MYRIP: variants seen among roughly 807,000 people sequenced by gnomAD.
MYRIP encodes rab effector MyRIP.
In MYRIP, 49 loss-of-function variants were observed where a neutral mutation model predicts 98.0. The ratio of observed to expected loss-of-function variants is 0.50; its 90% CI spans 0.40 to 0.63. The LOEUF is 0.63. Among genes scored for constraint, MYRIP ranks in the 30% least tolerant of loss-of-function variants. The probability of loss-of-function intolerance (pLI) is 0.00; values close to 1 mark genes in which losing one functional copy is unlikely to be tolerated. For missense variants in MYRIP, 1,004 were observed against 1,058.2 expected, an observed-to-expected ratio of 0.95 and a Z score of 0.71; for synonymous variants, 404 against 409.5, an observed-to-expected ratio of 0.99 and a Z score of 0.16.
intron 3 of MYRIP, among the ~76,000 whole-genome samples, chr3:40,050,419 G>T (rs1575496205): frequency 6.6e-6 from 1 of 151,982 alleles, no homozygotes; most frequent in South Asian, 2.1e-4. Flanking sequence ...TTACAGCATG[G>T]TTTACTGAAT....
At chr3:40,218,859 CATCTT>C (rs1952236766) in intron 11 of MYRIP, among the ~76,000 whole-genome samples, 1 of 151,650 alleles carries the variant, frequency 6.6e-6, no homozygotes, top group South Asian at 2.1e-4. Context: ...GATTTCCAAT[CATCTT>C]AATGAGATTT....
intron 2 of MYRIP, among the ~76,000 whole-genome samples, chr3:40,018,226 G>A (rs2125803674): frequency 6.6e-6 from 1 of 152,126 alleles, no homozygotes; most frequent in African/African-American, 2.4e-5. Flanking sequence ...CCTAACTATT[G>A]GTAATTTTCA....
intron 2 of MYRIP, among the ~76,000 whole-genome samples, chr3:39,950,939 G>T (rs905852700): frequency 6.6e-6 from 1 of 152,084 alleles, no homozygotes; most frequent in Non-Finnish European, 1.5e-5. Context: ...TTGTATTCAG[G>T]TTTAGTGCTC....
intron 2 of MYRIP, among the ~76,000 whole-genome samples, chr3:40,014,062 T>C (rs1946812952): frequency 6.6e-6 from 1 of 152,218 alleles, no homozygotes; most frequent in South Asian, 2.1e-4. Flanking sequence ...TTAGGGCATT[T>C]TGTATACTTG....
chr3:40,207,634 T>A (rs1951820370), intron 10 of MYRIP, among the ~76,000 whole-genome samples: 1 of 152,228 alleles, frequency 6.6e-6, no homozygotes, highest in Admixed American at 6.5e-5. Flanking sequence ...AAAGAACATG[T>A]CACATATCTT....
Position 39,974,107 on chromosome 3 carries a change from C to T in MYRIP, c.111-69943C>T, listed in dbSNP as rs374412812. ...AACCCTATAAAAAAATCAATGAATC[C>T]AGGAGCTTGTATTTTGAAAAGATCA... On this transcript the variant is annotated intron_variant, in intron 2 of 16. Coordinates refer to ENST00000302541, the MANE Select transcript of MYRIP (RefSeq NM_015460.4). 2.4e-4 allele frequency among the ~76,000 whole-genome samples: 37 copies of T among 152,078 alleles called. No homozygotes were observed. In the East Asian group the frequency reaches 7.0e-3, roughly 29 times the overall value.
At chr3:39,848,057 T>C (rs903863021) in intron 1 of MYRIP, among the ~76,000 whole-genome samples, 1 of 152,166 alleles carries the variant, frequency 6.6e-6, no homozygotes, top group East Asian at 1.9e-4. Flanking sequence ...TCCAACATGC[T>C]GGTGGGGTTA....
intron 11 of MYRIP, among the ~76,000 whole-genome samples, chr3:40,210,438 A>G (rs990778583): frequency 1.3e-5 from 2 of 152,082 alleles, no homozygotes; most frequent in East Asian, 1.9e-4. Context: ...AGATACATCC[A>G]TCTGCTGGTA....
At chr3:40,009,856 G>A (rs1055379429) in intron 2 of MYRIP, among the ~76,000 whole-genome samples, 14 of 152,236 alleles carry the variant, frequency 9.2e-5, no homozygotes, top group African/African-American at 3.4e-4. Context: ...TACAAAGTAG[G>A]CGTTATTGGC....
Position 40,170,086 on chromosome 3 carries a change from C to G in MYRIP, c.866C>G (p.Ala289Gly). ...CCTGGAGGCTACCGTGCTCCCGCTGCCCTCTGGGTGAGTCCCCAAGCAGTG... is the reference window on the plus strand; with the variant it reads ...CCTGGAGGCTACCGTGCTCCCGCTGGCCTCTGGGTGAGTCCCCAAGCAGTG... ...ASPGGYRAPAALWRSQSAFSI... is the reference protein window; with the variant it reads ...ASPGGYRAPAGLWRSQSAFSI... The change falls in exon 8 of 17, where the codon GCC becomes GGC. Residue 289 changes from alanine (A) to glycine (G), a missense_variant. Around this residue, in one of 3 missense-constraint regions of MYRIP, gnomAD observed 880 missense variants for 907.7 expected, o/e 0.97. Transcript: ENST00000302541. The G allele has an allele frequency of 6.2e-7, 1 of 1,614,132 alleles. No homozygotes were observed. The highest frequency in any genetic ancestry group is 2.2e-5 in the East Asian group (1 of 44,874).
At chr3:39,963,965 A>G (rs760993448) in intron 2 of MYRIP, among the ~76,000 whole-genome samples, 3 of 152,130 alleles carry the variant, frequency 2.0e-5, no homozygotes, top group Non-Finnish European at 4.4e-5. Context: ...AAAACTCAGT[A>G]TTAAAATAGT....
intron 3 of MYRIP, among the ~76,000 whole-genome samples, chr3:40,066,289 C>T (rs1948125435): frequency 6.6e-6 from 1 of 152,184 alleles, no homozygotes. Flanking sequence ...CTGATATGCA[C>T]AGACTGCAAA....
At chr3:40,215,822 C>A (rs1952103482) in intron 11 of MYRIP, among the ~76,000 whole-genome samples, 1 of 152,136 alleles carries the variant, frequency 6.6e-6, no homozygotes. Flanking sequence ...TTTCAATAGG[C>A]CTTATGCCTA....
intron 3 of MYRIP, among the ~76,000 whole-genome samples, chr3:40,150,216 G>A (rs1226905032): frequency 3.3e-5 from 5 of 152,042 alleles, no homozygotes; most frequent in East Asian, 1.9e-4. Context: ...TCAGCCTCCC[G>A]AGTAGCTGGG....
intron 1 of MYRIP, chr3:39,810,509 C>T (rs1940639762): frequency 6.6e-6 from 1 of 152,428 alleles, no homozygotes; most frequent in African/African-American, 2.4e-5. Flanking sequence ...GGTTCCTCCT[C>T]ATACTCCCTT....
intron 2 of MYRIP, among the ~76,000 whole-genome samples, chr3:40,037,807 C>T (rs955658555): frequency 6.6e-6 from 1 of 152,046 alleles, no homozygotes; most frequent in Non-Finnish European, 1.5e-5. Context: ...TTGCCTACCC[C>T]CCTTCCTGTT....
chr3:40,009,584 C>T (rs114205234), intron 2 of MYRIP, among the ~76,000 whole-genome samples: 4,468 of 152,236 alleles, frequency 0.029, 139 homozygotes, highest in African/African-American at 0.079. Context: ...ACTTCCTGAG[C>T]AGCCCTGCTG....
chr3:40,038,451 T>G (rs940070740), intron 2 of MYRIP, among the ~76,000 whole-genome samples: 2 of 152,080 alleles, frequency 1.3e-5, no homozygotes, highest in Non-Finnish European at 2.9e-5. Context: ...TAGACAACCG[T>G]CAACCTAACT....
At chr3:39,988,178 A>T (rs1051139016) in intron 2 of MYRIP, among the ~76,000 whole-genome samples, 43 of 151,950 alleles carry the variant, frequency 2.8e-4, no homozygotes, top group African/African-American at 9.9e-4. Flanking sequence ...GGGAAGGGGG[A>T]AAGGATAGCA....
Sources: gnomAD v4.1 joint callset for allele counts (sites outside exome capture counted in the v4.1 genomes callset) on GRCh38, gnomAD v4.1.1 for gene constraint, gnomAD v4.1.1 regional missense constraint, MANE v1.5 for transcripts, NCBI Gene and HGNC (gene_info 2026-07-23, HGNC 2026-07-21) for gene names.